DMD: variants seen among roughly 807,000 people sequenced by gnomAD.
DMD encodes the protein mutant dystrophin.
A neutral mutation model predicts 330.1 loss-of-function variants in DMD; 63 were observed. The ratio of observed to expected loss-of-function variants is 0.19; its 90% CI spans 0.16 to 0.24. The LOEUF (loss-of-function observed/expected upper bound fraction) is 0.24. DMD is among the 10% of genes least tolerant of loss of function. The pLI, the probability that DMD is intolerant of heterozygous loss-of-function variation, is 1.00. For synonymous variants in DMD, 1,223 were observed against 959.8 expected (o/e 1.27, Z -5.07); for missense variants, 3,344 against 2,684.1 (o/e 1.25, Z -5.43).
At chrX:32,395,932 A>C (rs1305225908) in intron 30 of DMD, among the ~76,000 whole-genome samples, 1 of 111,054 alleles carries the variant, frequency 9.0e-6, no homozygotes, top group Non-Finnish European at 1.9e-5. Flanking sequence ...CCAGCATTTA[A>C]TTTTCTATTT....
chrX:32,400,629 A>G lies in DMD; in HGVS notation c.4234-10448T>C, dbSNP rs1391956601. On this transcript the variant is annotated intron_variant, in intron 30 of 78. Transcript: ENST00000357033. The stretch of plus-strand genomic sequence containing the variant: ...AGAAATGCAAATCAAAACCACAATG[A>G]GATACCATCTCACACCAGTTAGAAT... 2.7e-5 allele frequency among the ~76,000 whole-genome samples: 3 copies of G among 110,565 alleles called. No individual in the cohort carries two copies. The East Asian group carries it at 8.6e-4, about 32-fold the overall frequency.
intron 62 of DMD, among the ~76,000 whole-genome samples, chrX:31,292,713 T>C (rs1279463476): frequency 1.8e-5 from 2 of 111,972 alleles, no homozygotes; most frequent in Non-Finnish European, 3.8e-5. Flanking sequence ...AACCAAAATG[T>C]TCCCCAACAA....
intron 44 of DMD, among the ~76,000 whole-genome samples, chrX:32,088,146 G>A (rs1487638155): frequency 1.8e-5 from 2 of 111,933 alleles, no homozygotes; most frequent in South Asian, 3.7e-4. Context: ...TAATGAAAGG[G>A]CATATAGAGC....
chrX:32,301,416 A>T (rs753660533), intron 42 of DMD, among the ~76,000 whole-genome samples: 12 of 109,679 alleles, frequency 1.1e-4, no homozygotes, highest in Admixed American at 3.9e-4. Flanking sequence ...GTGATTTACA[A>T]CAGAAAGTTC....
intron 44 of DMD, among the ~76,000 whole-genome samples, chrX:32,093,368 A>G (rs2096487673): frequency 8.9e-6 from 1 of 112,115 alleles, no homozygotes; most frequent in African/African-American, 3.2e-5. Context: ...CTTTGGATAA[A>G]TGCCCAGTAG....
intron 74 of DMD, among the ~76,000 whole-genome samples, chrX:31,152,449 C>T (rs1248963617): frequency 8.9e-6 from 1 of 112,181 alleles, no homozygotes; most frequent in Non-Finnish European, 1.9e-5. Flanking sequence ...CAGGCGTGAG[C>T]CACTGCACCT....
chrX:33,000,348 A>G (rs1342067049), intron 2 of DMD, among the ~76,000 whole-genome samples: 1 of 112,155 alleles, frequency 8.9e-6, no homozygotes, highest in Non-Finnish European at 1.9e-5. Context: ...AACTATATGT[A>G]ATTGTTTCAA....
intron 62 of DMD, among the ~76,000 whole-genome samples, chrX:31,296,913 C>A (rs915444689): frequency 2.1e-4 from 23 of 111,869 alleles, no homozygotes; most frequent in African/African-American, 7.1e-4. Flanking sequence ...TGTTTCTAAA[C>A]AATTAGCTAT....
chrX:33,284,993 C>T (rs2053408816), intron 1 of DMD, among the ~76,000 whole-genome samples: 1 of 110,055 alleles, frequency 9.1e-6, no homozygotes. Flanking sequence ...TTCAAAGCAA[C>T]ATCTGTGGCT....
chrX:32,160,985 A>G (rs1301291646), intron 44 of DMD, among the ~76,000 whole-genome samples: 3 of 111,697 alleles, frequency 2.7e-5, no homozygotes, highest in Non-Finnish European at 5.6e-5. Flanking sequence ...TGTCTTTTTA[A>G]TAATAGTCAG....
chrX:32,587,800 G>A (rs1321096476), intron 13 of DMD, among the ~76,000 whole-genome samples: 1 of 111,754 alleles, frequency 8.9e-6, no homozygotes, highest in African/African-American at 3.2e-5. Flanking sequence ...GGCTGATGAT[G>A]ATAATAATAG....
intron 48 of DMD, among the ~76,000 whole-genome samples, chrX:31,842,763 T>C (rs1371774299): frequency 8.9e-6 from 1 of 111,842 alleles, no homozygotes; most frequent in Non-Finnish European, 1.9e-5. Flanking sequence ...TGCAGGTTTG[T>C]TACATTTATA....
chrX:31,489,380 G>C (rs2069076061), intron 57 of DMD, among the ~76,000 whole-genome samples: 1 of 111,743 alleles, frequency 8.9e-6, no homozygotes, highest in African/African-American at 3.3e-5. Context: ...GGATCTGCCT[G>C]TTTCAGCCAC....
intron 49 of DMD, among the ~76,000 whole-genome samples, chrX:31,825,993 G>A (rs1309648425): frequency 1.8e-5 from 2 of 111,595 alleles, no homozygotes; most frequent in Admixed American, 1.9e-4. Context: ...ATTATGCGCT[G>A]CTCAATGAAG....
chrX:31,861,736 T>TACACACACACACACACACACACAC (rs753295784), intron 48 of DMD, among the ~76,000 whole-genome samples: 2 of 76,879 alleles, frequency 2.6e-5, no homozygotes, highest in African/African-American at 1.0e-4. Flanking sequence ...AAGAGTGCTA[T>TACACACACACACACACACACACAC]ACACACACAC....
At chrX:32,364,352 A>C (rs950530164) in intron 36 of DMD, among the ~76,000 whole-genome samples, 1 of 112,090 alleles carries the variant, frequency 8.9e-6, no homozygotes, top group Non-Finnish European at 1.9e-5. Flanking sequence ...CGGAGTTTAC[A>C]TTGGGTATAA....
intron 63 of DMD, among the ~76,000 whole-genome samples, chrX:31,252,546 A>C (rs2147501539): frequency 8.9e-6 from 1 of 111,833 alleles, no homozygotes; most frequent in Admixed American, 9.6e-5. Flanking sequence ...TTCCCAAATC[A>C]AAAACTGGAA....
chrX:32,852,878 A>G (rs1163179824), intron 2 of DMD, among the ~76,000 whole-genome samples: 2 of 109,822 alleles, frequency 1.8e-5, no homozygotes, highest in East Asian at 2.9e-4. Flanking sequence ...CCACAATAGA[A>G]GAGAGCACCA....
At chrX:32,292,923 T>C (rs1000471040) in intron 42 of DMD, among the ~76,000 whole-genome samples, 1 of 112,474 alleles carries the variant, frequency 8.9e-6, no homozygotes, top group Non-Finnish European at 1.9e-5. Flanking sequence ...TTCTCGTGTC[T>C]TATTTATCAG....
Sources: allele counts gnomAD v4.1 joint callset (sites outside exome capture counted in the v4.1 genomes callset), GRCh38; gene constraint gnomAD v4.1.1; transcripts MANE v1.5; gene names NCBI Gene and HGNC (gene_info 2026-07-23, HGNC 2026-07-21).